The following CRYBG1 variants were observed in gnomAD, a reference collection of about 807,000 sequenced individuals.
The protein encoded by CRYBG1 is crystallin beta-gamma domain containing 1.
In CRYBG1, 139 loss-of-function variants were observed where a neutral mutation model predicts 189.2. The observed-to-expected ratio is 0.73, with a 90% CI of 0.64 to 0.85. The LOEUF (loss-of-function observed/expected upper bound fraction) is 0.85, where lower values mean the gene tolerates loss of function less well. Ranked by LOEUF, CRYBG1 falls within the 40% of genes least tolerant of loss-of-function variation. The pLI, the probability that CRYBG1 is intolerant of heterozygous loss-of-function variation, is 0.00. For missense variants in CRYBG1, 2,611 were observed against 2,675.8 expected, an observed-to-expected ratio of 0.98 and a Z score of 0.53; for synonymous variants, 1,023 against 1,017.1, an observed-to-expected ratio of 1.01 and a Z score of -0.11.
intron 9 of CRYBG1, chr6:106,541,213 G>A (rs920090594): frequency 1.9e-5 from 9 of 481,546 alleles, no homozygotes; most frequent in Non-Finnish European, 3.4e-5. Context: ...GGGCAGGATC[G>A]TTAAATGCAG....
At chr6:106,380,545 G>A (rs1039940185) in intron 1 of CRYBG1, among the ~76,000 whole-genome samples, 10 of 152,258 alleles carry the variant, frequency 6.6e-5, no homozygotes, top group African/African-American at 2.4e-4. Context: ...ATTCTTCTGT[G>A]TTCTAATAAT....
intron 17 of CRYBG1, among the ~76,000 whole-genome samples, chr6:106,557,221 A>G (rs1355240505): frequency 6.6e-6 from 1 of 152,228 alleles, no homozygotes; most frequent in Non-Finnish European, 1.5e-5. Context: ...TCCTCCATGT[A>G]TGTTTTATAT....
rs1306397187 is a variant in CRYBG1 at position 106,512,108 on chromosome 6, G to A, written c.991G>A (p.Ala331Thr). The change falls in exon 3 of 22, where the codon GCC (alanine) becomes ACC (threonine). Residue 331 changes from alanine to threonine, a missense_variant. Coordinates refer to ENST00000633556, the MANE Select transcript of CRYBG1 (RefSeq NM_001371242.2). ...AEEGSLGPRN[A>T]RSQPPKGASD... Reference sequence around the variant, plus strand: ...AGAAGGCTCCCTGGGGCCCCGCAACGCCCGCAGCCAGCCCCCCAAGGGCGC... The same window carrying A: ...AGAAGGCTCCCTGGGGCCCCGCAACACCCGCAGCCAGCCCCCCAAGGGCGC... The A allele has an allele frequency of 2.0e-6, 3 of 1,534,286 alleles. No homozygotes were observed. The highest frequency in any genetic ancestry group is 2.6e-6 in the Non-Finnish European group (3 of 1,146,160).
At chr6:106,378,049 T>C (rs1304397153) in intron 1 of CRYBG1, among the ~76,000 whole-genome samples, 2 of 152,112 alleles carry the variant, frequency 1.3e-5, no homozygotes, top group African/African-American at 4.8e-5. Flanking sequence ...GTTGAGTGGC[T>C]CCCTTGAAGC....
chr6:106,547,402 T>A (rs1436310381), intron 13 of CRYBG1, among the ~76,000 whole-genome samples: 2 of 152,142 alleles, frequency 1.3e-5, no homozygotes, highest in Non-Finnish European at 2.9e-5. Flanking sequence ...ACAAAAGAGG[T>A]ACAGATTAAA....
chr6:106,551,311 A>T (rs1721580029), intron 13 of CRYBG1, among the ~76,000 whole-genome samples: 1 of 152,156 alleles, frequency 6.6e-6, no homozygotes, highest in Admixed American at 6.5e-5. Context: ...AGTGACCTCC[A>T]GTTGCATCCA....
At chr6:106,510,500 G>A (rs1773226078) in intron 2 of CRYBG1, among the ~76,000 whole-genome samples, 1 of 152,224 alleles carries the variant, frequency 6.6e-6, no homozygotes, top group South Asian at 2.1e-4. Flanking sequence ...TCCTGGGAGC[G>A]CTGCGGATCA....
At chr6:106,405,683 G>A (rs1225924075) in intron 1 of CRYBG1, among the ~76,000 whole-genome samples, 2 of 152,228 alleles carry the variant, frequency 1.3e-5, no homozygotes, top group Non-Finnish European at 2.9e-5. Flanking sequence ...TCTTCCAGAA[G>A]AAGGAACAGG....
At chr6:106,543,342 T>G in intron 10 of CRYBG1, 98 bp from the exon 11 acceptor site, 2 of 1,263,618 alleles carry the variant, frequency 1.6e-6, no homozygotes, top group African/African-American at 1.5e-5. Context: ...AAAATTTTAA[T>G]TTGTGTGTCA....
chr6:106,563,698 A>G, intron 20 of CRYBG1, 66 bp from the exon 21 acceptor site: 1 of 1,503,782 alleles, frequency 6.6e-7, no homozygotes, highest in Middle Eastern at 1.8e-4. Context: ...GTAACCAGAG[A>G]AATAATTGCT....
At chr6:106,435,483 T>G (rs951174472) in intron 1 of CRYBG1, among the ~76,000 whole-genome samples, 7 of 152,186 alleles carry the variant, frequency 4.6e-5, no homozygotes, top group Non-Finnish European at 8.8e-5. Flanking sequence ...TACATTACAA[T>G]CATTTGTAAT....
At position 106,365,023 on chromosome 6, in the gene CRYBG1, G is replaced by A. The variant is rs1771955500; in HGVS notation, c.173+3942G>A. Among the ~76,000 whole-genome samples, 3 of 152,102 alleles carry A rather than the reference G, an allele frequency of 2.0e-5. No homozygotes were observed. In the South Asian group the frequency reaches 6.2e-4, roughly 31 times the overall value. ...TCTTGCTTATGCCTCCTTTGGAGTA[G>A]GAATTTTGTGTGTTTTTCTGCTATA... On this transcript the variant is annotated intron_variant, in intron 1 of 21. Coordinates refer to ENST00000633556, the MANE Select transcript of CRYBG1 (RefSeq NM_001371242.2).
intron 1 of CRYBG1, among the ~76,000 whole-genome samples, chr6:106,443,038 G>A (rs996596353): frequency 6.6e-6 from 1 of 152,206 alleles, no homozygotes; most frequent in Non-Finnish European, 1.5e-5. Context: ...AAGGCTGCAG[G>A]AGACACTCAG....
chr6:106,541,647 T>A, intron 10 of CRYBG1, 26 bp downstream of exon 10: 2 of 1,449,476 alleles, frequency 1.4e-6, no homozygotes, highest in Non-Finnish European at 1.9e-6. Flanking sequence ...TATTTTTGTA[T>A]GTATGTATAT....
rs78829044 is a variant in CRYBG1, at chr6:106,553,205, T to C, written c.5473-250T>C. Among the ~76,000 whole-genome samples, 702 of 152,340 alleles carry C rather than the reference T, an allele frequency of 4.6e-3. 13 individuals carry two copies. The East Asian group carries it at 0.063, about 14-fold the overall frequency. ...CACAGCTTCACAACAGGGTGTTCTA[T>C]AGAAAGTTACCTTTGTTGTTGCATT... On this transcript the variant is annotated intron_variant, in intron 15 of 21. Transcript: ENST00000633556.
At chr6:106,539,673 G>A in intron 9 of CRYBG1, 144 bp downstream of exon 9, 3 of 798,750 alleles carry the variant, frequency 3.8e-6, no homozygotes, top group Non-Finnish European at 3.7e-6. Context: ...TAGAAATCAT[G>A]GAAAGAATAA....
intron 2 of CRYBG1, among the ~76,000 whole-genome samples, chr6:106,452,829 T>C (rs1006967996): frequency 1.4e-4 from 21 of 152,160 alleles, no homozygotes; most frequent in African/African-American, 4.6e-4. Context: ...GTCTGCAGGA[T>C]GGGAAAGTAG....
At chr6:106,558,653 AAATAG>A in intron 18 of CRYBG1, 28 bp downstream of exon 18, 1 of 1,558,322 alleles carries the variant, frequency 6.4e-7, no homozygotes. Flanking sequence ...TGACTCAATA[AAATAG>A]ATCATTTTAA....
At chr6:106,543,229 C>G (rs933132050) in intron 10 of CRYBG1, among the ~76,000 whole-genome samples, 1 of 152,044 alleles carries the variant, frequency 6.6e-6, no homozygotes, top group African/African-American at 2.4e-5. Context: ...GGGGTTTCAC[C>G]ATATTGGCCA....
Sources: gnomAD v4.1 joint callset for allele counts (sites outside exome capture counted in the v4.1 genomes callset) on GRCh38, gnomAD v4.1.1 for gene constraint, MANE v1.5 for transcripts, NCBI Gene and HGNC (gene_info 2026-07-23, HGNC 2026-07-21) for gene names.